Variants in ETS1 observed in about 807,000 individuals in gnomAD.
ETS1 encodes the protein ETS proto-oncogene 1, transcription factor.
Under a neutral mutation model 58.6 loss-of-function variants are expected in ETS1, and 15 were observed. That is an observed-to-expected ratio of 0.26 (90% CI 0.17 to 0.39). ETS1 has a LOEUF of 0.39. Ranked by LOEUF, ETS1 falls within the 10% of genes least tolerant of loss-of-function variation. The probability of loss-of-function intolerance (pLI) is 1.00; values close to 1 mark genes in which losing one functional copy is unlikely to be tolerated. For missense variants in ETS1, 417 were observed against 610.5 expected, an observed-to-expected ratio of 0.68 and a Z score of 3.34; for synonymous variants, 214 against 218.2, an observed-to-expected ratio of 0.98 and a Z score of 0.17.
At chr11:128,510,804 G>A (rs1863372770) in intron 3 of ETS1, among the ~76,000 whole-genome samples, 1 of 152,202 alleles carries the variant, frequency 6.6e-6, no homozygotes, top group African/African-American at 2.4e-5. Flanking sequence ...CCACTCCCAA[G>A]GAAACACCAG....
At chr11:128,542,247 T>C (rs1864067736) in intron 3 of ETS1, among the ~76,000 whole-genome samples, 2 of 152,212 alleles carry the variant, frequency 1.3e-5, no homozygotes, top group African/African-American at 2.4e-5. Context: ...ATAACCATTA[T>C]GAACAAGGCA....
At chr11:128,534,453 G>A (rs968221684) in intron 3 of ETS1, among the ~76,000 whole-genome samples, 1 of 152,222 alleles carries the variant, frequency 6.6e-6, no homozygotes, top group Admixed American at 6.5e-5. Flanking sequence ...TCAGATACAC[G>A]TGCAAGACAT....
In ETS1 at chr11:128,462,655, A is replaced by T. The variant is rs1861933635; in HGVS notation, c.1243-79T>A. 6.9e-6 allele frequency: 7 copies of T among 1,009,932 alleles called. No homozygotes were observed. In the South Asian group the frequency reaches 1.0e-4, roughly 14 times the overall value. 62.6% of individuals were successfully genotyped at this position (1,009,932 alleles called of 1,614,324 possible). The stretch of plus-strand genomic sequence containing the variant: ...GCCAAATATATATGTTTCTATGCCT[A>T]TGCTATACCCATTCATGGTGACCCA... On this transcript the variant is annotated intron_variant, in intron 9 of 9. Transcript: ENST00000392668.
At chr11:128,475,636 C>G (rs1862302520) in intron 8 of ETS1, among the ~76,000 whole-genome samples, 1 of 148,452 alleles carries the variant, frequency 6.7e-6, no homozygotes, top group African/African-American at 2.5e-5. Context: ...ACTGCAAGCT[C>G]CGCCTCCTGG....
intron 3 of ETS1, among the ~76,000 whole-genome samples, chr11:128,494,870 A>G (rs1862897114): frequency 6.6e-6 from 1 of 152,198 alleles, no homozygotes; most frequent in African/African-American, 2.4e-5. Flanking sequence ...AGCCAAGGAC[A>G]AGAAATCCAA....
chr11:128,546,273 A>G (rs1244157446), intron 3 of ETS1, among the ~76,000 whole-genome samples: 1 of 152,208 alleles, frequency 6.6e-6, no homozygotes, highest in Non-Finnish European at 1.5e-5. Context: ...AACAGAAGCT[A>G]ATGATCAGAA....
At chr11:128,576,154 G>T (rs1864742339) in intron 1 of ETS1, among the ~76,000 whole-genome samples, 1 of 152,212 alleles carries the variant, frequency 6.6e-6, no homozygotes. Context: ...AGAGGGAGTT[G>T]CCAGGGCTCT....
Position 128,484,574 on chromosome 11 carries a change from T to C in ETS1, c.862+249A>G, listed in dbSNP as rs186458140. 5.1e-4 allele frequency among the ~76,000 whole-genome samples: 77 copies of C among 152,318 alleles called. 1 individual carries two copies. Among genetic ancestry groups the C allele is most frequent in the African/African-American group, 1.6e-3 (67 of 41,560 alleles). On this transcript the variant is annotated intron_variant, in intron 7 of 9. Transcript: ENST00000392668. Reference sequence around the variant, plus strand: ...AGTAAAACATTTTGCCCAAGTAAGATATTTAATTTCTTAGATTGCCTGATT... The same window carrying C: ...AGTAAAACATTTTGCCCAAGTAAGACATTTAATTTCTTAGATTGCCTGATT...
At chr11:128,485,597 C>A (rs146485817) in intron 6 of ETS1, among the ~76,000 whole-genome samples, 10 of 152,258 alleles carry the variant, frequency 6.6e-5, no homozygotes, top group Non-Finnish European at 1.2e-4. Flanking sequence ...GGTTGGGTAT[C>A]TTACACGAAA....
At chr11:128,536,821 A>T (rs1480862670) in intron 3 of ETS1, 1 of 152,244 alleles carries the variant, frequency 6.6e-6, no homozygotes. Context: ...ATTAGCAGAC[A>T]TTCATTTCAT....
intron 8 of ETS1, among the ~76,000 whole-genome samples, chr11:128,473,198 A>C (rs1565368561): frequency 3.3e-5 from 5 of 152,222 alleles, no homozygotes; most frequent in Admixed American, 3.3e-4. Context: ...AAAAGACCTA[A>C]TTATTATTAA....
intron 3 of ETS1, chr11:128,527,320 G>A: frequency 5.2e-6 from 1 of 190,788 alleles, no homozygotes; most frequent in South Asian, 8.0e-5. Flanking sequence ...AATGTGGGGT[G>A]GATTGGCCTA....
At chr11:128,555,388 CT>C (rs1357590953) in intron 3 of ETS1, among the ~76,000 whole-genome samples, 2 of 152,208 alleles carry the variant, frequency 1.3e-5, no homozygotes, top group African/African-American at 4.8e-5. Context: ...GTGACTCCCC[CT>C]GCCATGCCCT....
intron 2 of ETS1, 49 bp downstream of exon 2, chr11:128,573,013 G>C: frequency 6.9e-7 from 1 of 1,450,350 alleles, no homozygotes; most frequent in Non-Finnish European, 9.5e-7. Flanking sequence ...ACAAGGAGGA[G>C]GGGAGAAGAT....
At chr11:128,539,345 C>G (rs538575015) in intron 3 of ETS1, among the ~76,000 whole-genome samples, 1 of 152,238 alleles carries the variant, frequency 6.6e-6, no homozygotes, top group South Asian at 2.1e-4. Context: ...ACTCTTACAA[C>G]TCAACAATAA....
intron 1 of ETS1, among the ~76,000 whole-genome samples, chr11:128,583,527 A>G (rs1398936115): frequency 1.3e-5 from 2 of 152,118 alleles, no homozygotes; most frequent in Admixed American, 1.3e-4. Flanking sequence ...TATTTGCATT[A>G]TATGTTTTTT....
intron 1 of ETS1, among the ~76,000 whole-genome samples, chr11:128,582,433 T>C (rs748329019): frequency 3.3e-5 from 5 of 152,232 alleles, no homozygotes; most frequent in Non-Finnish European, 7.3e-5. Flanking sequence ...TGCTATTTTA[T>C]CAGTAGTGCC....
At chr11:128,514,554 C>T (rs1265209603) in intron 3 of ETS1, among the ~76,000 whole-genome samples, 1 of 152,198 alleles carries the variant, frequency 6.6e-6, no homozygotes, top group Non-Finnish European at 1.5e-5. Context: ...ATGAAGCTGA[C>T]CTATGAAACT....
intron 1 of ETS1, among the ~76,000 whole-genome samples, chr11:128,586,701 T>C (rs893529196): frequency 6.6e-6 from 1 of 152,222 alleles, no homozygotes; most frequent in African/African-American, 2.4e-5. Context: ...CAGCACCCTT[T>C]TAAGTTTGCC....
Sources: gnomAD v4.1 joint callset for allele counts (sites outside exome capture counted in the v4.1 genomes callset) on GRCh38, gnomAD v4.1.1 for gene constraint, MANE v1.5 for transcripts, NCBI Gene and HGNC (gene_info 2026-07-23, HGNC 2026-07-21) for gene names.